PLEKHG1: variants seen among roughly 807,000 people sequenced by gnomAD.
The protein encoded by PLEKHG1 is pleckstrin homology domain-containing family G member 1.
In PLEKHG1, 44 loss-of-function variants were observed where a neutral mutation model predicts 100.8. The observed-to-expected ratio is 0.44, with a 90% confidence interval of 0.34 to 0.56. The LOEUF (loss-of-function observed/expected upper bound fraction) is 0.56, where lower values mean the gene tolerates loss of function less well. Ranked by LOEUF, PLEKHG1 falls within the 20% of genes least tolerant of loss-of-function variation. The probability of loss-of-function intolerance (pLI) is 0.01; values close to 1 mark genes in which losing one functional copy is unlikely to be tolerated. For synonymous variants in PLEKHG1, 640 were observed against 662.5 expected, an observed-to-expected ratio of 0.97 and a Z score of 0.52; for missense variants, 1,545 against 1,720.9, an observed-to-expected ratio of 0.90 and a Z score of 1.81.
intron 2 of PLEKHG1, among the ~76,000 whole-genome samples, chr6:150,741,991 T>C (rs373701024): frequency 3.9e-4 from 59 of 152,322 alleles, no homozygotes; most frequent in African/African-American, 1.3e-3. Flanking sequence ...AAGTGCCCCC[T>C]GGAGGACAAA....
chr6:150,673,571 CT>C (rs1303112830), intron 3 of PLEKHG1, among the ~76,000 whole-genome samples: 3 of 152,120 alleles, frequency 2.0e-5, no homozygotes, highest in Non-Finnish European at 4.4e-5. Flanking sequence ...TTAATGAACT[CT>C]TTCTTTTCTC....
In PLEKHG1 at chr6:150,683,268, GAA is replaced by G. The variant is rs1357685873; in HGVS notation, c.-99+32484_-99+32485del. On this transcript the variant is annotated intron_variant, in intron 3 of 3. Transcript: ENST00000367326. This position sits in a 1 kb window ranked among gnomAD's most constrained non-coding sequence, Gnocchi z 4.0. Reference sequence around the variant, plus strand: ...ACATTAGCAACAAACACCCATGAACGAAAGTTTGTTGTGAGCCACACTGGTCT... The same window carrying G: ...ACATTAGCAACAAACACCCATGAACGAGTTTGTTGTGAGCCACACTGGTCT... Among the ~76,000 whole-genome samples the G allele has an allele frequency of 1.3e-5, 2 of 152,208 alleles. No homozygotes were observed. The highest frequency in any genetic ancestry group is 4.8e-5 in the African/African-American group (2 of 41,446).
intron 1 of PLEKHG1, among the ~76,000 whole-genome samples, chr6:150,625,496 CTCTT>C (rs920081046): frequency 1.3e-5 from 2 of 151,924 alleles, no homozygotes; most frequent in Non-Finnish European, 2.9e-5. Context: ...AATCATCTCT[CTCTT>C]TTTTTTTAAG....
Position 150,698,400 on chromosome 6 carries a change from T to C in PLEKHG1, c.-98-35184T>C, listed in dbSNP as rs187350841. ...TTATATCAATTTTGAAAGATACCAA[T>C]GTTGATCACGTTATGACAATTTTGT... On this transcript the variant is annotated intron_variant, in intron 3 of 3. Coordinates refer to the PLEKHG1 transcript ENST00000367326. Among the ~76,000 whole-genome samples the C allele has an allele frequency of 2.1e-4, 32 of 152,294 alleles. 1 individual carries two copies. The highest frequency in any genetic ancestry group is 3.9e-4 in the Admixed American group (6 of 15,302).
intron 3 of PLEKHG1, among the ~76,000 whole-genome samples, chr6:150,666,818 T>A (rs2128583045): frequency 6.6e-6 from 1 of 151,634 alleles, no homozygotes; most frequent in Non-Finnish European, 1.5e-5. Context: ...TGGAGTGCAG[T>A]GGCGCAATCT....
chr6:150,771,763 T>C (rs1784724827), intron 3 of PLEKHG1, among the ~76,000 whole-genome samples: 7 of 152,080 alleles, frequency 4.6e-5, no homozygotes, highest in Admixed American at 4.6e-4. Context: ...CAAAATAATG[T>C]ATTGTGGCCA....
At chr6:150,703,195 T>G (rs1465306165) in intron 3 of PLEKHG1, among the ~76,000 whole-genome samples, 2 of 152,016 alleles carry the variant, frequency 1.3e-5, no homozygotes, top group African/African-American at 4.8e-5. Flanking sequence ...CCTTCCTAAC[T>G]CCTTCTTGTA....
At chr6:150,754,878 C>A (rs924314850) in intron 2 of PLEKHG1, among the ~76,000 whole-genome samples, 1 of 151,990 alleles carries the variant, frequency 6.6e-6, no homozygotes, top group Admixed American at 6.6e-5. Flanking sequence ...CTGTGCTGGT[C>A]GGGCTAGTCT....
At chr6:150,733,268 AC>A (rs1408986457) in intron 1 of PLEKHG1, among the ~76,000 whole-genome samples, 1 of 152,220 alleles carries the variant, frequency 6.6e-6, no homozygotes, top group Non-Finnish European at 1.5e-5. Flanking sequence ...AGGTGGTCAC[AC>A]TTTTGAGACA....
At chr6:150,813,797 A>T in intron 10 of PLEKHG1, among the ~76,000 whole-genome samples, 1 of 151,966 alleles carries the variant, frequency 6.6e-6, no homozygotes, top group East Asian at 1.9e-4. Context: ...GCTGCTCTGG[A>T]GTGGAGGAAA....
intron 1 of PLEKHG1, among the ~76,000 whole-genome samples, chr6:150,615,895 C>T (rs1419951314): frequency 1.3e-5 from 2 of 152,210 alleles, no homozygotes; most frequent in Non-Finnish European, 2.9e-5. Context: ...GATGACTGAG[C>T]ACTCACTAGT....
intron 7 of PLEKHG1, among the ~76,000 whole-genome samples, chr6:150,808,665 A>T (rs1787290257): frequency 6.6e-6 from 1 of 152,152 alleles, no homozygotes; most frequent in African/African-American, 2.4e-5. Context: ...AGGCAGGAGG[A>T]TCGCTTGAAC....
chr6:150,757,154 C>G (rs963496372), intron 2 of PLEKHG1, among the ~76,000 whole-genome samples: 3 of 152,090 alleles, frequency 2.0e-5, no homozygotes, highest in African/African-American at 7.2e-5. Flanking sequence ...CCCACTACCA[C>G]GCCGAGCAAT....
chr6:150,779,355 T>TTTTTTTTTTTTTA (rs1785180293), intron 3 of PLEKHG1, among the ~76,000 whole-genome samples: 1 of 146,944 alleles, frequency 6.8e-6, no homozygotes, highest in African/African-American at 2.6e-5. Context: ...TTTTTTTTTT[T>TTTTTTTTTTTTTA]TTTTTTTTGA....
intron 3 of PLEKHG1, among the ~76,000 whole-genome samples, chr6:150,696,746 G>A (rs1582957845): frequency 6.6e-6 from 1 of 152,172 alleles, no homozygotes. Flanking sequence ...CTCAAGGTAA[G>A]TATATTTTAA....
chr6:150,627,202 G>A (rs1777545289), intron 1 of PLEKHG1, among the ~76,000 whole-genome samples: 1 of 152,104 alleles, frequency 6.6e-6, no homozygotes, highest in Non-Finnish European at 1.5e-5. Flanking sequence ...AAATATTTAG[G>A]TCTTAAAAGG....
At chr6:150,654,957 T>C (rs942548982) in intron 3 of PLEKHG1, among the ~76,000 whole-genome samples, 1 of 152,256 alleles carries the variant, frequency 6.6e-6, no homozygotes, top group Non-Finnish European at 1.5e-5. Flanking sequence ...GATTCTTCCA[T>C]TGCAAAACCT....
At chr6:150,814,077 G>A (rs2128673118) in intron 10 of PLEKHG1, among the ~76,000 whole-genome samples, 1 of 152,304 alleles carries the variant, frequency 6.6e-6, no homozygotes, top group Non-Finnish European at 1.5e-5. Context: ...GTGCATAGGT[G>A]TGGACTTGGA....
intron 1 of PLEKHG1, chr6:150,605,541 A>G (rs1453978608): frequency 6.6e-6 from 1 of 152,216 alleles, no homozygotes; most frequent in Non-Finnish European, 1.5e-5. Context: ...TTGAGAACCT[A>G]CTATGCCTAG....
Sources: gnomAD v4.1 joint callset for allele counts (sites outside exome capture counted in the v4.1 genomes callset) on GRCh38, gnomAD v4.1.1 for gene constraint, Gnocchi (gnomAD v3.1) non-coding constraint, MANE v1.5 for transcripts, NCBI Gene and HGNC (gene_info 2026-07-23, HGNC 2026-07-21) for gene names.